RAB3IP: variants seen among roughly 807,000 people sequenced by gnomAD.
The protein encoded by RAB3IP is RAB3A interacting protein.
A neutral mutation model predicts 59.1 loss-of-function variants in RAB3IP; 36 were observed. The observed-to-expected ratio is 0.61, with a 90% CI of 0.47 to 0.80. RAB3IP has a LOEUF of 0.80. RAB3IP is among the 30% of genes least tolerant of loss of function. RAB3IP has a pLI of 0.00. For missense variants in RAB3IP, 511 were observed against 536.0 expected (o/e 0.95, Z 0.46); for synonymous variants, 207 against 191.2 (o/e 1.08, Z -0.68).
At chr12:69,754,687 T>G (rs1050179088) in intron 1 of RAB3IP, among the ~76,000 whole-genome samples, 7 of 152,234 alleles carry the variant, frequency 4.6e-5, no homozygotes, top group African/African-American at 1.7e-4. Flanking sequence ...GTTAATTAGC[T>G]AGTTAGCTAT....
chr12:69,745,362 T>TA (rs977605279), intron 1 of RAB3IP, among the ~76,000 whole-genome samples: 6 of 151,906 alleles, frequency 3.9e-5, no homozygotes, highest in African/African-American at 1.4e-4. Context: ...CTACACTTTT[T>TA]AAAAAAATAC....
intron 3 of RAB3IP, among the ~76,000 whole-genome samples, chr12:69,760,249 G>A (rs1030329598): frequency 2.6e-5 from 4 of 152,272 alleles, no homozygotes; most frequent in Non-Finnish European, 4.4e-5. Context: ...GCGTGGCGGC[G>A]TGCGCCTGCA....
At chr12:69,810,800 G>A (rs978998337) in intron 8 of RAB3IP, among the ~76,000 whole-genome samples, 2 of 152,126 alleles carry the variant, frequency 1.3e-5, no homozygotes, top group Admixed American at 6.5e-5. Flanking sequence ...AGAGGATTAC[G>A]GTCTAGATTT....
At chr12:69,772,751 CTT>C (rs564119696) in intron 3 of RAB3IP, among the ~76,000 whole-genome samples, 40 of 152,122 alleles carry the variant, frequency 2.6e-4, no homozygotes, top group Non-Finnish European at 5.0e-4. Flanking sequence ...TTGTCTCTCT[CTT>C]AACAAAGTAT....
intron 8 of RAB3IP, among the ~76,000 whole-genome samples, chr12:69,804,434 A>G (rs2136257819): frequency 6.6e-6 from 1 of 152,190 alleles, no homozygotes; most frequent in South Asian, 2.1e-4. Flanking sequence ...ATTTTCTCCC[A>G]TTCTGTAGGT....
Position 69,787,762 on chromosome 12 carries a change from G to A in RAB3IP, c.606+2947G>A, listed in dbSNP as rs576698551. 8.6e-5 allele frequency among the ~76,000 whole-genome samples: 13 copies of A among 151,398 alleles called. No homozygotes were observed. In the East Asian group the frequency reaches 1.2e-3, roughly 14 times the overall value. On this transcript the variant is annotated intron_variant, in intron 4 of 10. Transcript: ENST00000247833. Reference sequence around the variant, plus strand: ...TTTTGATCCTGTACCTGATCAGTACGAGAAAAATTTGAGCATGTTACCTCC... The same window carrying A: ...TTTTGATCCTGTACCTGATCAGTACAAGAAAAATTTGAGCATGTTACCTCC...
At chr12:69,779,670 A>G (rs368937116) in intron 3 of RAB3IP, among the ~76,000 whole-genome samples, 11 of 130,010 alleles carry the variant, frequency 8.5e-5, no homozygotes, top group East Asian at 8.4e-4. Flanking sequence ...TTCACTGCAC[A>G]TTCTAGCTAG....
chr12:69,741,832 CACT>C (rs1294439297), intron 1 of RAB3IP, among the ~76,000 whole-genome samples: 7 of 152,200 alleles, frequency 4.6e-5, no homozygotes, highest in Admixed American at 4.6e-4. Context: ...TGCTCATAAT[CACT>C]ACATTATCAC....
At chr12:69,793,611 T>A (rs1876985226) in intron 4 of RAB3IP, among the ~76,000 whole-genome samples, 1 of 152,166 alleles carries the variant, frequency 6.6e-6, no homozygotes, top group Non-Finnish European at 1.5e-5. Context: ...CATAATCTTT[T>A]AAAAATAAAA....
At chr12:69,767,870 G>A (rs1287095119) in intron 3 of RAB3IP, among the ~76,000 whole-genome samples, 2 of 152,074 alleles carry the variant, frequency 1.3e-5, no homozygotes, top group Non-Finnish European at 2.9e-5. Flanking sequence ...CTGAATGCCT[G>A]GAGATCTGCC....
At chr12:69,742,037 G>A (rs1343016491) in intron 1 of RAB3IP, among the ~76,000 whole-genome samples, 1 of 152,188 alleles carries the variant, frequency 6.6e-6, no homozygotes, top group Non-Finnish European at 1.5e-5. Context: ...GGAAGGTAGG[G>A]CCTTATAATC....
chr12:69,755,481 G>C lies in RAB3IP; in HGVS notation c.73G>C (p.Val25Leu), dbSNP rs765138632. The C allele has an allele frequency of 6.2e-7, 1 of 1,614,078 alleles. No individual in the cohort carries two copies. The highest frequency in any genetic ancestry group is 8.5e-7 in the Non-Finnish European group (1 of 1,180,014). Residue 25 changes from valine to leucine, a missense_variant, in exon 2 of 11, where the codon GTG becomes CTG. Coordinates refer to ENST00000247833, the MANE Select transcript of RAB3IP (RefSeq NM_022456.5). ...ACCTACTTCTCCGGACCTTCTTGGT[G>C]TGTATGAATCAGGAACTCAAGAGCA... Reference protein sequence around the residue: ...ASPTSPDLLGVYESGTQEQTT... With the variant: ...ASPTSPDLLGLYESGTQEQTT...
At chr12:69,768,317 C>CA (rs1872560493) in intron 3 of RAB3IP, among the ~76,000 whole-genome samples, 1 of 151,938 alleles carries the variant, frequency 6.6e-6, no homozygotes, top group South Asian at 2.1e-4. Context: ...GTGGGTGCTC[C>CA]AAATACCTGG....
At chr12:69,738,391 G>A (rs893562032), upstream of RAB3IP, 1 of 152,238 alleles carries the variant, frequency 6.6e-6, no homozygotes, top group African/African-American at 2.4e-5. Context: ...GGAATGATGG[G>A]ATCTGGGTTC....
chr12:69,740,858 G>A (rs150521886), intron 1 of RAB3IP, among the ~76,000 whole-genome samples: 1 of 152,256 alleles, frequency 6.6e-6, no homozygotes, highest in Non-Finnish European at 1.5e-5. Context: ...AGTTTTATAT[G>A]CATTATAGTA....
chr12:69,747,331 T>TGTGTGTGTGTGA (rs1165639333), intron 1 of RAB3IP, among the ~76,000 whole-genome samples: 62 of 86,002 alleles, frequency 7.2e-4, no homozygotes, highest in African/African-American at 2.3e-3. Flanking sequence ...TGTGTGTGTG[T>TGTGTGTGTGTGA]GAGAGAGAGA....
intron 6 of RAB3IP, chr12:69,796,621 A>G: frequency 1.6e-6 from 1 of 631,502 alleles, no homozygotes; most frequent in Non-Finnish European, 2.9e-6. Context: ...CATTTTGACG[A>G]ATTATCAATA....
At chr12:69,756,758 G>T in intron 3 of RAB3IP, 95 bp downstream of exon 3, 1 of 1,016,878 alleles carries the variant, frequency 9.8e-7, no homozygotes, top group East Asian at 2.6e-5. Flanking sequence ...AATCATGATG[G>T]TTGTACATTT....
At chr12:69,806,570 G>GTTTTTTTTTTTTTTTTTTT (rs35262716) in intron 8 of RAB3IP, among the ~76,000 whole-genome samples, 2 of 68,468 alleles carry the variant, frequency 2.9e-5, no homozygotes, top group African/African-American at 6.4e-5. Flanking sequence ...TGCTTCTCTA[G>GTTTTTTTTTTTTTTTTTTT]TTTTTTTTTT....
Sources: gnomAD v4.1 joint callset for allele counts (sites outside exome capture counted in the v4.1 genomes callset) on GRCh38, gnomAD v4.1.1 for gene constraint, MANE v1.5 for transcripts, NCBI Gene and HGNC (gene_info 2026-07-23, HGNC 2026-07-21) for gene names.